KDM4B: variants seen among roughly 807,000 people sequenced by gnomAD.
The protein encoded by KDM4B is lysine-specific demethylase 4B.
Under a neutral mutation model 125.2 loss-of-function variants are expected in KDM4B, and 32 were observed. The observed-to-expected ratio is 0.26, with a 90% confidence interval of 0.19 to 0.34. KDM4B has a LOEUF of 0.34. KDM4B is among the 10% of genes least tolerant of loss of function. The probability of loss-of-function intolerance (pLI) is 1.00; values close to 1 mark genes in which losing one functional copy is unlikely to be tolerated. For missense variants in KDM4B, 1,190 were observed against 1,577.7 expected (o/e 0.75, Z 4.16); for synonymous variants, 721 against 677.9 (o/e 1.06, Z -0.99).
intron 11 of KDM4B, among the ~76,000 whole-genome samples, chr19:5,123,018 G>C (rs1010938718): frequency 6.6e-6 from 1 of 152,220 alleles, no homozygotes; most frequent in Non-Finnish European, 1.5e-5. Flanking sequence ...TTCCTGGAGA[G>C]ACCCCCTGCT....
chr19:5,095,246 C>T (rs1303525426), intron 9 of KDM4B, among the ~76,000 whole-genome samples: 2 of 152,154 alleles, frequency 1.3e-5, no homozygotes, highest in Non-Finnish European at 2.9e-5. Flanking sequence ...TGGGAGTTGG[C>T]GCTGCAGCTG....
chr19:5,065,273 G>T (rs1344004396), intron 6 of KDM4B, among the ~76,000 whole-genome samples: 3 of 152,236 alleles, frequency 2.0e-5, no homozygotes, highest in Admixed American at 6.5e-5. Flanking sequence ...GTGACCCCAA[G>T]CCCGTCTGCT....
rs931074470 is a variant in KDM4B, at chr19:5,035,088, C to G, written c.141+2057C>G. On this transcript the variant is annotated intron_variant, in intron 3 of 22. Transcript: ENST00000159111. This position sits in a 1 kb window ranked among gnomAD's most constrained non-coding sequence, Gnocchi z 5.3. ...GCTGCCGTCCCGGCTTCAGTTCTGT[C>G]TTTAAAAGGCTTTGGTCCTCCTATC... Among the ~76,000 whole-genome samples the G allele has an allele frequency of 3.8e-4, 58 of 152,202 alleles. No homozygotes were observed. Among genetic ancestry groups the G allele is most frequent in the Admixed American group, 1.3e-4 (2 of 15,292 alleles).
chr19:5,139,403 G>A (rs2039703119), intron 18 of KDM4B, among the ~76,000 whole-genome samples: 1 of 152,196 alleles, frequency 6.6e-6, no homozygotes, highest in Admixed American at 6.5e-5. Flanking sequence ...TGGGAGTGTG[G>A]TTGTGGTTTG....
chr19:4,996,866 T>C (rs1489547156), intron 1 of KDM4B, among the ~76,000 whole-genome samples: 3 of 152,226 alleles, frequency 2.0e-5, no homozygotes, highest in African/African-American at 7.2e-5. Flanking sequence ...GCTGGGTCCT[T>C]CTCTGGGGTG....
chr19:4,994,126 C>G (rs1486839392), intron 1 of KDM4B, among the ~76,000 whole-genome samples: 1 of 127,852 alleles, frequency 7.8e-6, no homozygotes, highest in African/African-American at 3.0e-5. Context: ...TGTGTTTTTT[C>G]TGTAGAGACG....
intron 1 of KDM4B, among the ~76,000 whole-genome samples, chr19:4,977,248 A>G (rs958880269): frequency 3.3e-5 from 5 of 152,142 alleles, no homozygotes; most frequent in African/African-American, 4.8e-5. Flanking sequence ...GTGGCTCTGG[A>G]CTGGGATCGT....
chr19:5,098,162 T>C (rs2038864170), intron 9 of KDM4B, among the ~76,000 whole-genome samples: 1 of 152,182 alleles, frequency 6.6e-6, no homozygotes, highest in Non-Finnish European at 1.5e-5. Flanking sequence ...AGCCTCCATG[T>C]GTAGTACATG....
At chr19:5,047,412 C>T (rs1442129021) in intron 5 of KDM4B, 64 bp from the exon 6 acceptor site, 10 of 1,480,008 alleles carry the variant, frequency 6.8e-6, no homozygotes, top group South Asian at 1.3e-5. Context: ...TTAGCCTGCA[C>T]CCCAGGGCTC....
At chr19:5,079,368 T>C (rs2038218584) in intron 8 of KDM4B, among the ~76,000 whole-genome samples, 1 of 152,158 alleles carries the variant, frequency 6.6e-6, no homozygotes, top group African/African-American at 2.4e-5. Flanking sequence ...ACACCGTGAG[T>C]GTGGAACGAA....
At chr19:5,032,766 G>A (rs1313174720) in intron 2 of KDM4B, 100 bp from the exon 3 acceptor site, 4 of 1,152,304 alleles carry the variant, frequency 3.5e-6, no homozygotes, top group East Asian at 2.4e-5. Context: ...CCTCCTGGTG[G>A]CCACGGTATT....
intron 1 of KDM4B, among the ~76,000 whole-genome samples, chr19:5,001,913 T>C (rs2035398752): frequency 6.6e-6 from 1 of 152,236 alleles, no homozygotes; most frequent in African/African-American, 2.4e-5. Context: ...TTCTATTGGA[T>C]ATTTGACTCT....
rs1310432803 is a variant in KDM4B, at chr19:5,134,072, G to T, written c.2085+11G>T. On this transcript the variant is annotated intron_variant, in intron 14 of 22. Coordinates refer to ENST00000159111, the MANE Select transcript of KDM4B (RefSeq NM_015015.3). ...TACCCCTACTGCCAGGTGGGCAGGC[G>T]GGCCTCACGGGTCCCAGAGAACCCC... The T allele has an allele frequency of 3.8e-6, 6 of 1,576,002 alleles. No individual in the cohort carries two copies. Among genetic ancestry groups the T allele is most frequent in the African/African-American group, 1.3e-5 (1 of 74,336 alleles).
rs1419081896 is a variant in KDM4B at position 5,130,167 on chromosome 19, C to T, written c.1316-909C>T. Among the ~76,000 whole-genome samples, 13 of 152,246 alleles carry T rather than the reference C, an allele frequency of 8.5e-5. No individual in the cohort carries two copies. In the East Asian group the frequency reaches 1.7e-3, roughly 20 times the overall value. On this transcript the variant is annotated intron_variant, in intron 11 of 22. Coordinates refer to ENST00000159111, the MANE Select transcript of KDM4B (RefSeq NM_015015.3). ...TCTTGTGAGGGCCTTGTGAGGACAT[C>T]GGGCCTCTTGGATCATCTAGGATCA... is the stretch of plus-strand genomic sequence containing the variant.
chr19:5,111,344 G>T (rs1482989952), intron 10 of KDM4B: 2 of 755,818 alleles, frequency 2.6e-6, no homozygotes, highest in East Asian at 2.4e-5. Context: ...CGGCCCCGGG[G>T]CGTGACCCTG....
At chr19:5,021,752 G>T (rs1568233809) in intron 2 of KDM4B, among the ~76,000 whole-genome samples, 1 of 149,844 alleles carries the variant, frequency 6.7e-6, no homozygotes, top group Non-Finnish European at 1.5e-5. Flanking sequence ...TCCTGCCTCA[G>T]CCTCCCGAGT....
chr19:5,142,858 G>A lies in KDM4B; in HGVS notation c.2551-1109G>A, dbSNP rs1420957268. Among the ~76,000 whole-genome samples the A allele has an allele frequency of 6.6e-6, 1 of 152,088 alleles. No individual in the cohort carries two copies. Among genetic ancestry groups the A allele is most frequent in the Non-Finnish European group, 1.5e-5 (1 of 68,022 alleles). ...CTGGCTTTTGAACGTGGTTTATAGA[G>A]TGGTGACGGTGCCGCTTATTAAATG... On this transcript the variant is annotated intron_variant, in intron 18 of 22. Transcript: ENST00000159111. The surrounding 1 kb of genome is among the most constrained non-coding windows in gnomAD (Gnocchi z 5.4).
chr19:5,007,334 C>A (rs2035592452), intron 1 of KDM4B, among the ~76,000 whole-genome samples: 1 of 152,208 alleles, frequency 6.6e-6, no homozygotes, highest in Non-Finnish European at 1.5e-5. Flanking sequence ...TGATGTCAAG[C>A]ATCTCTTCCT....
chr19:5,122,135 G>T (rs1205468696), intron 11 of KDM4B, among the ~76,000 whole-genome samples: 1 of 152,168 alleles, frequency 6.6e-6, no homozygotes, highest in Admixed American at 6.5e-5. Context: ...CAAGCTGTGG[G>T]CAGGGCTGCT....
Sources: allele counts gnomAD v4.1 joint callset (sites outside exome capture counted in the v4.1 genomes callset), GRCh38; gene constraint gnomAD v4.1.1; non-coding constraint Gnocchi (gnomAD v3.1); transcripts MANE v1.5; gene names NCBI Gene and HGNC (gene_info 2026-07-23, HGNC 2026-07-21).